SYCE2: variants seen among roughly 807,000 people sequenced by gnomAD.
The protein encoded by SYCE2 is central element synaptonemal complex 1.
SYCE2 carries 3 observed loss-of-function variants against 27.9 expected under a neutral mutation model. That is an observed-to-expected ratio of 0.11 (90% CI 0.05 to 0.28). The LOEUF is 0.28. Among genes scored for constraint, SYCE2 ranks in the 10% least tolerant of loss-of-function variants. The pLI is 1.00. For synonymous variants in SYCE2, 85 were observed against 100.7 expected (o/e 0.84, Z 0.93); for missense variants, 207 against 263.5 (o/e 0.79, Z 1.48).
At chr19:12,917,745 C>T (rs1440900072) in intron 2 of SYCE2, among the ~76,000 whole-genome samples, 8 of 139,446 alleles carry the variant, frequency 5.7e-5, no homozygotes, top group Non-Finnish European at 1.1e-4. Context: ...CTGCAACCTC[C>T]ACCTCCTGGG....
intron 2 of SYCE2, 95 bp downstream of exon 2, chr19:12,918,127 A>T (rs901982350): frequency 9.3e-7 from 1 of 1,075,202 alleles, no homozygotes. Context: ...GGGAAAAAAA[A>T]AGCAGCAGAC....
chr19:12,902,486 T>C (rs916307198), intron 3 of SYCE2, among the ~76,000 whole-genome samples: 2 of 151,842 alleles, frequency 1.3e-5, no homozygotes, highest in African/African-American at 4.8e-5. Context: ...TTAAAGAAAA[T>C]TAGCTGGGCA....
rs777316950 is a variant in SYCE2 at position 12,904,582 on chromosome 19, C to A, written c.216G>T (p.Lys72Asn). 5.0e-6 allele frequency: 8 copies of A among 1,613,980 alleles called. No individual in the cohort carries two copies. The highest frequency in any genetic ancestry group is 6.8e-6 in the Non-Finnish European group (8 of 1,180,024). ...TGTTTTCGATCAGCTCCTGGGCTCTCTTCTGCAGGATGTCAATGCTTGAGT... is the reference window on the plus strand; with the variant it reads ...TGTTTTCGATCAGCTCCTGGGCTCTATTCTGCAGGATGTCAATGCTTGAGT... ...SLDSSIDILQ[K>N]RAQELIENIN... is the part of the protein sequence containing the mutation. Residue 72 changes from lysine (K) to asparagine (N), a missense_variant, in exon 3 of 6, where the codon AAG (lysine) becomes AAT (asparagine). Lys to Asn is a moderately conservative substitution (Grantham distance 94). Transcript: ENST00000293695.
chr19:12,913,108 C>T (rs567303755), intron 2 of SYCE2, among the ~76,000 whole-genome samples: 37 of 152,226 alleles, frequency 2.4e-4, no homozygotes, highest in Non-Finnish European at 4.3e-4. Flanking sequence ...CAACACAGCA[C>T]GTCGGGTGTG....
At chr19:12,911,636 T>TTTA (rs1555754622) in intron 2 of SYCE2, among the ~76,000 whole-genome samples, 3 of 148,710 alleles carry the variant, frequency 2.0e-5, no homozygotes, top group African/African-American at 7.4e-5. Context: ...TTTTTTTTTT[T>TTTA]AGACGAGGTC....
At chr19:12,913,290 G>A (rs145937726) in intron 2 of SYCE2, among the ~76,000 whole-genome samples, 1 of 152,234 alleles carries the variant, frequency 6.6e-6, no homozygotes, top group South Asian at 2.1e-4. Context: ...GAGGAAATGG[G>A]TCTAAGCGAA....
chr19:12,918,451 G>C (rs2145986009), intron 1 of SYCE2, 114 bp from the exon 2 acceptor site: 2 of 948,562 alleles, frequency 2.1e-6, no homozygotes, highest in Non-Finnish European at 3.3e-6. Context: ...GGACGGTGGG[G>C]ACCCGCAGGA....
At chr19:12,907,018 T>A (rs1970945593) in intron 2 of SYCE2, among the ~76,000 whole-genome samples, 1 of 152,194 alleles carries the variant, frequency 6.6e-6, no homozygotes, top group East Asian at 1.9e-4. Context: ...GTATTTTAAA[T>A]TAAGATATAT....
chr19:12,899,773 G>A, intron 5 of SYCE2: 2 of 1,604,512 alleles, frequency 1.2e-6, no homozygotes, highest in South Asian at 1.1e-5. Flanking sequence ...AACCATGGAT[G>A]AGAGCAGACT....
intron 3 of SYCE2, among the ~76,000 whole-genome samples, chr19:12,901,358 A>G (rs1040409415): frequency 6.6e-6 from 1 of 150,704 alleles, no homozygotes; most frequent in Non-Finnish European, 1.5e-5. Flanking sequence ...CCTGGGCAAC[A>G]AGAGCAAAAC....
At chr19:12,903,237 G>A (rs1599629389) in intron 3 of SYCE2, among the ~76,000 whole-genome samples, 1 of 151,236 alleles carries the variant, frequency 6.6e-6, no homozygotes, top group Non-Finnish European at 1.5e-5. Flanking sequence ...GACTACAGGC[G>A]CCCGCCACCA....
chr19:12,914,567 C>T (rs1304558129), intron 2 of SYCE2, among the ~76,000 whole-genome samples: 1 of 151,490 alleles, frequency 6.6e-6, no homozygotes, highest in Non-Finnish European at 1.5e-5. Flanking sequence ...CCTACACCCA[C>T]ACATTCTCCC....
At chr19:12,918,873 C>A (rs1023771163) in intron 1 of SYCE2, among the ~76,000 whole-genome samples, 1 of 151,732 alleles carries the variant, frequency 6.6e-6, no homozygotes, top group Admixed American at 6.6e-5. Context: ...ATCACTTGAA[C>A]CCGGGAGGCA....
At chr19:12,904,059 A>G (rs1599630459) in intron 3 of SYCE2, among the ~76,000 whole-genome samples, 2 of 152,194 alleles carry the variant, frequency 1.3e-5, no homozygotes, top group Non-Finnish European at 2.9e-5. Flanking sequence ...GGGTGTGACA[A>G]TGCAAGTTGT....
intron 2 of SYCE2, among the ~76,000 whole-genome samples, chr19:12,914,745 G>C (rs556501745): frequency 2.6e-5 from 4 of 152,156 alleles, no homozygotes; most frequent in Non-Finnish European, 4.4e-5. Flanking sequence ...AAGTAGCTGG[G>C]ATTACAGGCA....
chr19:12,900,353 C>G (rs1880007778), intron 4 of SYCE2, 107 bp downstream of exon 4: 11 of 1,280,422 alleles, frequency 8.6e-6, no homozygotes, highest in Non-Finnish European at 1.2e-5. Context: ...GGACTGTGGC[C>G]TGGCGGGGTC....
intron 2 of SYCE2, among the ~76,000 whole-genome samples, chr19:12,907,920 T>A (rs1970967922): frequency 6.6e-6 from 1 of 152,208 alleles, no homozygotes; most frequent in Admixed American, 6.5e-5. Flanking sequence ...GAGACCAGCC[T>A]GGGCAACATG....
At chr19:12,914,799 G>A (rs900133543) in intron 2 of SYCE2, among the ~76,000 whole-genome samples, 3 of 152,154 alleles carry the variant, frequency 2.0e-5, no homozygotes, top group African/African-American at 7.2e-5. Flanking sequence ...AGTAGAGACG[G>A]GGTTTTGCCA....
chr19:12,916,406 A>G lies in SYCE2; in HGVS notation c.131+1816T>C, dbSNP rs74359544. ...TTCTTGCTCTTTTGAGAACACATCA[A>G]GCTTATTCCTACCTGAGGGACTTCA... is the stretch of plus-strand genomic sequence containing the variant. On this transcript the variant is annotated intron_variant, in intron 2 of 5. Transcript: ENST00000293695. Among the ~76,000 whole-genome samples, 729 of 152,006 alleles carry G rather than the reference A, an allele frequency of 4.8e-3. 1 individual carries two copies. The highest frequency in any genetic ancestry group is 9.8e-3 in the Admixed American group (149 of 15,230).
Sources: allele counts gnomAD v4.1 joint callset (sites outside exome capture counted in the v4.1 genomes callset), GRCh38; gene constraint gnomAD v4.1.1; transcripts MANE v1.5; gene names NCBI Gene and HGNC (gene_info 2026-07-23, HGNC 2026-07-21).